IL1RL1: variants seen among roughly 807,000 people sequenced by gnomAD.
IL1RL1 encodes the protein interleukin-1 receptor-like 1.
Under a neutral mutation model 50.9 loss-of-function variants are expected in IL1RL1, and 32 were observed. The ratio of observed to expected loss-of-function variants is 0.63; its 90% CI spans 0.47 to 0.84. The LOEUF is 0.84. Among genes scored for constraint, IL1RL1 ranks in the 40% least tolerant of loss-of-function variants. The pLI, the probability that IL1RL1 is intolerant of heterozygous loss-of-function variation, is 0.00. For missense variants in IL1RL1, 773 were observed against 662.9 expected (o/e 1.17, Z -1.82); for synonymous variants, 275 against 236.0 (o/e 1.17, Z -1.51).
At chr2:102,330,332 G>A (rs1362693510) in intron 1 of IL1RL1, among the ~76,000 whole-genome samples, 2 of 145,952 alleles carry the variant, frequency 1.4e-5, no homozygotes, top group Non-Finnish European at 3.0e-5. Context: ...ACACACCACG[G>A]CCTGTTGTGG....
Position 102,343,164 on chromosome 2 carries a change from G to T in IL1RL1, c.811G>T (p.Gly271Trp). ...TGAACCAAGAATTCAACAAGAGGAA[G>T]GGCAAAATCAAAGGTATTTTTATAT... is the stretch of plus-strand genomic sequence containing the variant. ...FGEPRIQQEE[G>W]QNQSFSNGLA... Residue 271 changes from glycine to tryptophan, a missense_variant, in exon 7 of 11, where the codon GGG becomes TGG. Physicochemically the swap from Gly to Trp is radical, Grantham distance 184. Coordinates refer to ENST00000233954, the MANE Select transcript of IL1RL1 (RefSeq NM_016232.5). The T allele has an allele frequency of 6.2e-7, 1 of 1,614,084 alleles. No individual in the cohort carries two copies. Among genetic ancestry groups the T allele is most frequent in the Non-Finnish European group, 8.5e-7 (1 of 1,180,006 alleles).
In IL1RL1 at chr2:102,341,487, G is replaced by A. The variant is rs1365025194; in HGVS notation, c.610+659G>A. On this transcript the variant is annotated intron_variant, in intron 5 of 10. Coordinates refer to ENST00000233954, the MANE Select transcript of IL1RL1 (RefSeq NM_016232.5). ...GATTGGGGTCTCCTTAGCACAAGTCGATCTACAGACGTAGATGTAATAGCC... is the reference window on the plus strand; with the variant it reads ...GATTGGGGTCTCCTTAGCACAAGTCAATCTACAGACGTAGATGTAATAGCC... 2.0e-5 allele frequency: 6 copies of A among 306,322 alleles called. 1 individual carries two copies. The Admixed American group carries it at 2.4e-4, about 12-fold the overall frequency. The allele number at this position is 306,322 out of a possible 1,614,324, so 19.0% of individuals were successfully genotyped here.
At chr2:102,332,433 A>G (rs557279747) in intron 1 of IL1RL1, among the ~76,000 whole-genome samples, 1 of 152,334 alleles carries the variant, frequency 6.6e-6, no homozygotes, top group South Asian at 2.1e-4. Flanking sequence ...ATGGATAAAC[A>G]AAGTGTGGTA....
chr2:102,315,012 C>A (rs1559593420), intron 1 of IL1RL1, among the ~76,000 whole-genome samples: 2 of 152,196 alleles, frequency 1.3e-5, no homozygotes, highest in Non-Finnish European at 2.9e-5. Flanking sequence ...AGTTTATCTG[C>A]TTTCTGTCTT....
intron 1 of IL1RL1, among the ~76,000 whole-genome samples, chr2:102,333,486 G>A (rs1434886362): frequency 2.0e-5 from 3 of 152,138 alleles, no homozygotes; most frequent in East Asian, 1.9e-4. Flanking sequence ...ATTTTCTTTG[G>A]GGCAAGGGAG....
chr2:102,341,377 A>G, intron 5 of IL1RL1: 1 of 1,146,666 alleles, frequency 8.7e-7, no homozygotes, highest in Non-Finnish European at 1.1e-6. Flanking sequence ...TTCATTCTAA[A>G]AATGTGTTTT....
At chr2:102,351,451 A>T in intron 10 of IL1RL1, 85 bp from the exon 11 acceptor site, 1 of 1,232,030 alleles carries the variant, frequency 8.1e-7, no homozygotes, top group Non-Finnish European at 1.1e-6. Flanking sequence ...ACCAGATTAT[A>T]ACAATAAGAC....
chr2:102,330,912 C>A (rs778894785), intron 1 of IL1RL1, among the ~76,000 whole-genome samples: 15 of 152,082 alleles, frequency 9.9e-5, no homozygotes, highest in Non-Finnish European at 1.8e-4. Context: ...GTAATACAAT[C>A]CATTTTTATT....
chr2:102,330,455 C>T (rs555010296), intron 1 of IL1RL1, among the ~76,000 whole-genome samples: 3 of 152,234 alleles, frequency 2.0e-5, no homozygotes, highest in Middle Eastern at 3.4e-3. Flanking sequence ...AAAACCTGCA[C>T]GTTGTGCACA....
At chr2:102,317,523 T>C (rs757095653) in intron 1 of IL1RL1, among the ~76,000 whole-genome samples, 2 of 152,168 alleles carry the variant, frequency 1.3e-5, no homozygotes, top group African/African-American at 2.4e-5. Flanking sequence ...CTTTCTCCCA[T>C]GTATAGCTTT....
chr2:102,337,445 C>T (rs919728717), intron 1 of IL1RL1: 2 of 152,092 alleles, frequency 1.3e-5, no homozygotes, highest in African/African-American at 4.8e-5. Flanking sequence ...TATTCTTCCC[C>T]TTATATTTTA....
rs1330633317 is a variant in IL1RL1, at chr2:102,351,571, A to T, written c.1321A>T (p.Ser441Cys). The T allele has an allele frequency of 1.9e-6, 3 of 1,613,972 alleles. No individual in the cohort carries two copies. The African/African-American group carries it at 4.0e-5, about 22-fold the overall frequency. Residue 441 changes from serine (S) to cysteine (C), a missense_variant, in exon 11 of 11, where the codon AGC (serine) becomes TGC (cysteine). Coordinates refer to ENST00000233954, the MANE Select transcript of IL1RL1 (RefSeq NM_016232.5). ...VTAVETNIRK[S>C]RRHIFILTPQ... Reference sequence around the variant, plus strand: ...TGCAGTGGAAACCAACATACGAAAGAGCAGGCGGCACATTTTCATCCTGAC... The same window carrying T: ...TGCAGTGGAAACCAACATACGAAAGTGCAGGCGGCACATTTTCATCCTGAC...
chr2:102,345,298 T>C (rs1016958475), intron 8 of IL1RL1: 69 of 985,432 alleles, frequency 7.0e-5, no homozygotes, highest in Non-Finnish European at 8.1e-5. Context: ...AGCATTTCAC[T>C]CCTGAGCACT....
At chr2:102,332,495 C>T (rs1677203586) in intron 1 of IL1RL1, among the ~76,000 whole-genome samples, 1 of 152,110 alleles carries the variant, frequency 6.6e-6, no homozygotes, top group Non-Finnish European at 1.5e-5. Flanking sequence ...AAGTACAGAC[C>T]CATGCTACAA....
intron 5 of IL1RL1, chr2:102,341,141 A>C: frequency 9.4e-7 from 1 of 1,058,270 alleles, no homozygotes. Flanking sequence ...TTGAATGGCA[A>C]TACAACTATT....
chr2:102,349,681 T>C (rs1166279297), intron 10 of IL1RL1, among the ~76,000 whole-genome samples: 1 of 152,258 alleles, frequency 6.6e-6, no homozygotes, highest in Non-Finnish European at 1.5e-5. Flanking sequence ...ACTTTCTTTA[T>C]GTTGGTGAAA....
intron 6 of IL1RL1, 78 bp downstream of exon 6, chr2:102,342,372 G>A: frequency 9.9e-7 from 1 of 1,012,658 alleles, no homozygotes; most frequent in East Asian, 2.4e-5. Flanking sequence ...AATTCCCTTA[G>A]CAGGGGTCAG....
At chr2:102,314,976 T>C (rs1288767195) in intron 1 of IL1RL1, among the ~76,000 whole-genome samples, 1 of 152,202 alleles carries the variant, frequency 6.6e-6, no homozygotes, top group Non-Finnish European at 1.5e-5. Flanking sequence ...CTGTGTGTCC[T>C]GGGCCATGAA....
rs973492582 is a variant in IL1RL1 at position 102,351,639 on chromosome 2, G to A, written c.1389G>A (p.Glu463=). The stretch of plus-strand genomic sequence containing the variant: ...ATAAGGAGTTTGCCTACGAGCAGGA[G>A]GTTGCCCTGCACTGTGCCCTCATCC... ...THNKEFAYEQ[E]VALHCALIQN... Residue 463 remains glutamate (E), a synonymous_variant, in exon 11 of 11, where the codon GAG becomes GAA. Coordinates refer to ENST00000233954, the MANE Select transcript of IL1RL1 (RefSeq NM_016232.5). 1.2e-6 allele frequency: 2 copies of A among 1,613,996 alleles called. No individual in the cohort carries two copies. Among genetic ancestry groups the A allele is most frequent in the Non-Finnish European group, 8.5e-7 (1 of 1,180,012 alleles).
Sources: allele counts gnomAD v4.1 joint callset (sites outside exome capture counted in the v4.1 genomes callset), GRCh38; gene constraint gnomAD v4.1.1; transcripts MANE v1.5; gene names NCBI Gene and HGNC (gene_info 2026-07-23, HGNC 2026-07-21).